Variants in RBM4 observed in about 807,000 individuals in gnomAD.
The protein encoded by RBM4 is RNA binding motif protein 4.
In RBM4, 7 loss-of-function variants were observed where a neutral mutation model predicts 29.5. That is an observed-to-expected ratio of 0.24 (90% CI 0.14 to 0.45). RBM4 has a LOEUF of 0.45. RBM4 is among the 20% of genes least tolerant of loss of function. RBM4 has a pLI of 1.00. For synonymous variants in RBM4, 220 were observed against 205.4 expected (o/e 1.07, Z -0.61); for missense variants, 387 against 502.3 (o/e 0.77, Z 2.19).
chr11:66,665,726 C>G (rs1939204241), intron 2 of RBM4: 3 of 1,363,142 alleles, frequency 2.2e-6, no homozygotes, highest in Non-Finnish European at 3.0e-6. Context: ...ACTCATATCC[C>G]ATGTAATTAC....
In RBM4 at chr11:66,643,109, C is replaced by T. The variant is rs1219512031; in HGVS notation, c.413-341C>T. On this transcript the variant is annotated intron_variant, in intron 2 of 3. Transcript: ENST00000310092. This position sits in a 1 kb window ranked among gnomAD's most constrained non-coding sequence, Gnocchi z 6.1. ...TTGGAGGTGTCAGAAAAGACTTGGG[C>T]ACTGTTTCTTACTTTGACTTCTTTT... is the stretch of plus-strand genomic sequence containing the variant. Among the ~76,000 whole-genome samples the T allele has an allele frequency of 6.6e-6, 1 of 152,118 alleles. No homozygotes were observed. Among genetic ancestry groups the T allele is most frequent in the Non-Finnish European group, 1.5e-5 (1 of 68,024 alleles).
At chr11:66,662,968 T>C (rs1354744475) in intron 2 of RBM4, among the ~76,000 whole-genome samples, 1 of 152,222 alleles carries the variant, frequency 6.6e-6, no homozygotes, top group Non-Finnish European at 1.5e-5. Context: ...TTAACTTCTG[T>C]AGATTGTCAG....
chr11:66,643,034 CCTTTA>C lies in RBM4; in HGVS notation c.413-412_413-408del, dbSNP rs1016210894. ...TTTTTTGAGGAGGGTGGAGAACTGG[CCTTTA>C]CTTATATTCCTTTGCTTAATGAAAA... On this transcript the variant is annotated intron_variant, in intron 2 of 3. Transcript: ENST00000310092. The surrounding 1 kb of genome is among the most constrained non-coding windows in gnomAD (Gnocchi z 6.1). Among the ~76,000 whole-genome samples the C allele has an allele frequency of 5.9e-5, 9 of 152,074 alleles. No homozygotes were observed. The highest frequency in any genetic ancestry group is 1.2e-4 in the Non-Finnish European group (8 of 68,018).
Position 66,646,165 on chromosome 11 carries a change from G to A in RBM4, c.*147G>A. The stretch of plus-strand genomic sequence containing the variant: ...CGTGGACCTTAATTTACCTTGCTAA[G>A]TTCAGACCTTCTCTTCCTTTCCTTT... On this transcript the variant is annotated 3_prime_UTR_variant, in exon 4 of 4. Transcript: ENST00000310092. 6.6e-7 allele frequency: 1 copy of A among 1,514,282 alleles called. No individual in the cohort carries two copies. The allele number at this position is 1,514,282 out of a possible 1,614,324, so 93.8% of individuals were successfully genotyped here.
exon 3 of RBM4, chr11:66,666,012 A>G (rs962228832): frequency 1.4e-6 from 2 of 1,422,686 alleles, no homozygotes; most frequent in Middle Eastern, 1.8e-4. Flanking sequence ...GTTTTGTTTT[A>G]ATCTTTCACA....
chr11:66,640,225 T>C (rs1363718279), intron 2 of RBM4, 102 bp downstream of exon 2: 24 of 1,468,444 alleles, frequency 1.6e-5, no homozygotes, highest in Non-Finnish European at 2.3e-5. Context: ...AGCTGTTGGC[T>C]GGCTGGTGAT....
At chr11:66,646,783 A>G (rs915731614), downstream of RBM4, among the ~76,000 whole-genome samples, 4 of 152,196 alleles carry the variant, frequency 2.6e-5, no homozygotes, top group African/African-American at 9.7e-5. Flanking sequence ...TACCATTCCA[A>G]TCACCCAGTC....
At chr11:66,654,504 A>T (rs993690368) in intron 2 of RBM4, among the ~76,000 whole-genome samples, 36 of 151,610 alleles carry the variant, frequency 2.4e-4, no homozygotes, top group Non-Finnish European at 4.6e-4. Flanking sequence ...TCAAAAAAAA[A>T]ATTTTTTTTA....
At chr11:66,641,571 A>G (rs779563862) in intron 2 of RBM4, among the ~76,000 whole-genome samples, 13 of 152,228 alleles carry the variant, frequency 8.5e-5, no homozygotes, top group Non-Finnish European at 1.5e-4. Context: ...CAGCCCAGTC[A>G]GAAGAGGTGG....
intron 2 of RBM4, among the ~76,000 whole-genome samples, chr11:66,656,963 G>C (rs1938962073): frequency 6.6e-6 from 1 of 152,084 alleles, no homozygotes; most frequent in Non-Finnish European, 1.5e-5. Flanking sequence ...ACCATGCCCA[G>C]TTTGACAATG....
intron 2 of RBM4, among the ~76,000 whole-genome samples, chr11:66,655,126 C>T (rs1173000437): frequency 6.6e-6 from 1 of 152,054 alleles, no homozygotes. Context: ...GCTGGGATTA[C>T]AGGCATGCAC....
At chr11:66,650,027 G>A (rs966473984), downstream of RBM4, 5 of 494,040 alleles carry the variant, frequency 1.0e-5, no homozygotes, top group African/African-American at 5.9e-5. Flanking sequence ...ACCATGTGGC[G>A]AATACAAAGA....
chr11:66,640,636 C>G (rs1820684062), intron 2 of RBM4: 1 of 166,262 alleles, frequency 6.0e-6, no homozygotes, highest in African/African-American at 2.4e-5. Flanking sequence ...TATACCTGTA[C>G]CAAGGGATTG....
chr11:66,644,128 T>G lies in RBM4; in HGVS notation c.1091T>G (p.Phe364Cys). Residue 364 changes from phenylalanine (F) to cysteine (C), a missense_variant, in exon 3 of 4, where the codon TTT becomes TGT. This residue lies in a region of RBM4 where 281 missense variants were observed against 288.7 expected (regional missense o/e 0.97). Transcript: ENST00000310092. Reference sequence around the variant, plus strand: ...GCCGATCGGGCGCGGTACTCAGCCTTTTAAAGCTTGAGGTGAGAGGGGTGG... The same window carrying G: ...GCCGATCGGGCGCGGTACTCAGCCTGTTAAAGCTTGAGGTGAGAGGGGTGG... ...QYADRARYSAF is the reference protein window; with the variant it reads ...QYADRARYSAC 1 of 1,611,836 alleles carries G rather than the reference T, an allele frequency of 6.2e-7. No individual in the cohort carries two copies. The highest frequency in any genetic ancestry group is 1.1e-5 in the South Asian group (1 of 90,880).
At chr11:66,655,312 CAG>C (rs1196374107) in intron 2 of RBM4, among the ~76,000 whole-genome samples, 2 of 147,916 alleles carry the variant, frequency 1.4e-5, no homozygotes, top group African/African-American at 2.5e-5. Flanking sequence ...TTTTTTGAGA[CAG>C]GGTCTCACTC....
intron 2 of RBM4, among the ~76,000 whole-genome samples, chr11:66,654,376 G>C (rs1266379844): frequency 1.3e-5 from 2 of 151,774 alleles, no homozygotes; most frequent in Non-Finnish European, 2.9e-5. Flanking sequence ...GGCGCCTGTA[G>C]TCCCAGCTAT....
downstream of RBM4, among the ~76,000 whole-genome samples, chr11:66,647,426 T>G (rs1361590231): frequency 6.6e-6 from 1 of 152,220 alleles, no homozygotes; most frequent in Non-Finnish European, 1.5e-5. Context: ...AACATGTAAT[T>G]TATTGAATAT....
intron 2 of RBM4, among the ~76,000 whole-genome samples, chr11:66,664,181 T>TG (rs1939151758): frequency 6.7e-6 from 1 of 149,156 alleles, no homozygotes; most frequent in Non-Finnish European, 1.5e-5. Flanking sequence ...GTTTTTTTTT[T>TG]TTTTTTTTTT....
At chr11:66,652,114 A>T (rs927191586) in intron 2 of RBM4, among the ~76,000 whole-genome samples, 21 of 149,930 alleles carry the variant, frequency 1.4e-4, no homozygotes, top group East Asian at 5.9e-4. Context: ...GAAATGAAAA[A>T]ATTTTTTTTT....
Sources: allele counts gnomAD v4.1 joint callset (sites outside exome capture counted in the v4.1 genomes callset), GRCh38; gene constraint gnomAD v4.1.1; regional missense constraint gnomAD v4.1.1; non-coding constraint Gnocchi (gnomAD v3.1); transcripts MANE v1.5; gene names NCBI Gene and HGNC (gene_info 2026-07-23, HGNC 2026-07-21).